GAPVD1: variants seen among roughly 807,000 people sequenced by gnomAD.
The protein encoded by GAPVD1 is GTPase-activating protein and VPS9 domain-containing protein 1.
GAPVD1 carries 35 observed loss-of-function variants against 155.5 expected under a neutral mutation model. The ratio of observed to expected loss-of-function variants is 0.23; its 90% confidence interval spans 0.17 to 0.30. The LOEUF (loss-of-function observed/expected upper bound fraction) is 0.30. GAPVD1 is among the 10% of genes least tolerant of loss of function. GAPVD1 has a pLI of 1.00. For missense variants in GAPVD1, 1,429 were observed against 1,775.7 expected (o/e 0.80, Z 3.51); for synonymous variants, 636 against 619.7 (o/e 1.03, Z -0.39).
intron 19 of GAPVD1, among the ~76,000 whole-genome samples, chr9:125,345,136 G>A (rs1222045588): frequency 6.6e-6 from 1 of 151,610 alleles, no homozygotes; most frequent in African/African-American, 2.4e-5. Context: ...TTGTTTCACA[G>A]CTCTGTGTGA....
chr9:125,355,177 C>T (rs1444076338), intron 24 of GAPVD1, among the ~76,000 whole-genome samples: 2 of 152,068 alleles, frequency 1.3e-5, no homozygotes, highest in Non-Finnish European at 1.5e-5. Context: ...AGTACAGTGG[C>T]GTGATCTCGG....
rs756628511 is a variant in GAPVD1, at chr9:125,354,854, C to T, written c.3757+13C>T. On this transcript the variant is annotated intron_variant, in intron 24 of 27. Coordinates refer to ENST00000297933, the MANE Select transcript of GAPVD1 (RefSeq NM_001282680.3). ...GAATTCATTCAAGGTAACTCAATAC[C>T]TTTAGTTTAAGCATCTCTTCACCTG... 2 of 1,572,380 alleles carry T rather than the reference C, an allele frequency of 1.3e-6. No individual in the cohort carries two copies. Among genetic ancestry groups the T allele is most frequent in the Non-Finnish European group, 1.8e-6 (2 of 1,142,254 alleles).
chr9:125,302,349 T>C lies in GAPVD1; in HGVS notation c.552T>C (p.Leu184=), dbSNP rs1841038828. Reference sequence around the variant, plus strand: ...GTGCCTTCAGCATCTTATTTAAACTTTTTTCTGAAGGACTGTTTTCTGCCA... The same window carrying C: ...GTGCCTTCAGCATCTTATTTAAACTCTTTTCTGAAGGACTGTTTTCTGCCA... ...GTCAFSILFK[L]FSEGLFSAKL... The change falls in exon 5 of 28, where the codon CTT becomes CTC. Residue 184 remains leucine, a synonymous_variant. Coordinates refer to ENST00000297933, the MANE Select transcript of GAPVD1 (RefSeq NM_001282680.3). The C allele has an allele frequency of 6.2e-7, 1 of 1,614,124 alleles. No individual in the cohort carries two copies. The highest frequency in any genetic ancestry group is 8.5e-7 in the Non-Finnish European group (1 of 1,179,994).
At chr9:125,342,127 C>A in intron 18 of GAPVD1, 92 bp from the exon 19 acceptor site, 1 of 669,310 alleles carries the variant, frequency 1.5e-6, no homozygotes, top group Non-Finnish European at 2.7e-6. Context: ...AACTTTTCAG[C>A]CTCCTTTCAC....
chr9:125,288,887 G>A (rs364356), intron 2 of GAPVD1, among the ~76,000 whole-genome samples: 1,740 of 152,302 alleles, frequency 0.011, 28 homozygotes, highest in African/African-American at 0.04. Flanking sequence ...TGCAGGGAAA[G>A]TGTGTGGCAT....
At chr9:125,324,338 C>T (rs1162027443) in intron 11 of GAPVD1, among the ~76,000 whole-genome samples, 1 of 152,148 alleles carries the variant, frequency 6.6e-6, no homozygotes, top group Non-Finnish European at 1.5e-5. Flanking sequence ...CACCTGTAAT[C>T]CCAGCACTTT....
At position 125,332,509 on chromosome 9, in the gene GAPVD1, G is replaced by A; in HGVS notation, c.2309-1G>A. 6.3e-7 allele frequency: 1 copy of A among 1,580,076 alleles called. No individual in the cohort carries two copies. Among genetic ancestry groups the A allele is most frequent in the Non-Finnish European group, 8.6e-7 (1 of 1,163,010 alleles). On this transcript the variant is annotated splice_acceptor_variant, in intron 14 of 27. Coordinates refer to ENST00000297933, the MANE Select transcript of GAPVD1 (RefSeq NM_001282680.3). LOFTEE classifies it high-confidence loss of function. ...TTATTTTTTACTATTGTTTTTTAAA[G>A]GCATAAGTGCAACCTCTGAGGATAT...
intron 25 of GAPVD1, among the ~76,000 whole-genome samples, chr9:125,358,348 C>T (rs1377539881): frequency 6.6e-6 from 1 of 152,166 alleles, no homozygotes; most frequent in Non-Finnish European, 1.5e-5. Context: ...TCAAGTGATC[C>T]ACCCACCTTG....
At chr9:125,263,596 G>T (rs530035968) in intron 1 of GAPVD1, 170 of 1,416,020 alleles carry the variant, frequency 1.2e-4, no homozygotes, top group Non-Finnish European at 1.6e-4. Context: ...TGAGGTGGCT[G>T]ACCACGTCCA....
intron 9 of GAPVD1, among the ~76,000 whole-genome samples, chr9:125,313,307 CTTT>C (rs551168378): frequency 1.5e-5 from 2 of 137,820 alleles, no homozygotes; most frequent in Non-Finnish European, 1.6e-5. Context: ...TTTTCTTTTT[CTTT>C]TTTTTTTTTT....
chr9:125,339,776 A>G lies in GAPVD1; in HGVS notation c.2878-1401A>G, dbSNP rs146692077. On this transcript the variant is annotated intron_variant, in intron 17 of 27. Coordinates refer to ENST00000297933, the MANE Select transcript of GAPVD1 (RefSeq NM_001282680.3). ...TTTGTAACTCATTTCTCCAACAGTG[A>G]GAAATCTACTTTCACTATTCTTCAT... 1.8e-4 allele frequency among the ~76,000 whole-genome samples: 27 copies of G among 152,326 alleles called. No homozygotes were observed. The East Asian group carries it at 5.2e-3, about 29-fold the overall frequency.
chr9:125,281,210 A>G (rs1173156442), intron 2 of GAPVD1, among the ~76,000 whole-genome samples: 1 of 152,200 alleles, frequency 6.6e-6, no homozygotes, highest in Non-Finnish European at 1.5e-5. Flanking sequence ...ACAGTGTTCG[A>G]ATACTGCTCT....
In GAPVD1 at chr9:125,307,768, C is replaced by T. The variant is rs1842083455; in HGVS notation, c.1329C>T (p.Asn443=). 1.2e-6 allele frequency: 2 copies of T among 1,613,530 alleles called. No homozygotes were observed. The highest frequency in any genetic ancestry group is 2.2e-5 in the South Asian group (2 of 91,068). ...DRMALDNLLA[N]LPPAKPGKSS... ...TGGCTCTTGACAATTTATTGGCAAA[C>T]CTACCCCCGGCCAAGCCAGGAAAAA... The change falls in exon 8 of 28, where the codon AAC becomes AAT. Residue 443 remains asparagine, a synonymous_variant. Transcript: ENST00000297933.
In GAPVD1 at chr9:125,337,034, C is replaced by G. The variant is rs1847131556; in HGVS notation, c.2445C>G (p.Thr815=). 2 of 1,611,148 alleles carry G rather than the reference C, an allele frequency of 1.2e-6. No homozygotes were observed. Among genetic ancestry groups the G allele is most frequent in the African/African-American group, 2.7e-5 (2 of 74,858 alleles). Residue 815 remains threonine (T), a synonymous_variant, in exon 16 of 28, where the codon ACC becomes ACG. Transcript: ENST00000297933. ...CTGTTTTAGGTGCCCACCAGCTGAC[C>G]TCTCCTCCTTCTCAGTCAGAGTCTC... The part of the protein sequence containing the change: ...DEITHGAHQL[T]SPPSQSESLL...
intron 9 of GAPVD1, among the ~76,000 whole-genome samples, chr9:125,313,902 A>G (rs1171909161): frequency 3.3e-5 from 5 of 152,208 alleles, no homozygotes; most frequent in Non-Finnish European, 7.3e-5. Context: ...CACCCAGCCA[A>G]TGAATTTAAT....
At chr9:125,263,938 G>A in intron 1 of GAPVD1, 1 of 1,431,494 alleles carries the variant, frequency 7.0e-7, no homozygotes, top group Non-Finnish European at 9.8e-7. Flanking sequence ...CCTTCATGTA[G>A]CCTTGAGACT....
At chr9:125,360,761 T>A in intron 27 of GAPVD1, 36 bp downstream of exon 27, 1 of 1,532,112 alleles carries the variant, frequency 6.5e-7, no homozygotes, top group Non-Finnish European at 9.0e-7. Flanking sequence ...AGGAGTTATG[T>A]GGCATTCTGA....
intron 15 of GAPVD1, among the ~76,000 whole-genome samples, chr9:125,333,485 CTTTTTTTTT>C (rs36083522): frequency 8.0e-6 from 1 of 124,368 alleles, no homozygotes; most frequent in African/African-American, 2.9e-5. Context: ...TACCTTTTGT[CTTTTTTTTT>C]TTTTTTTTTT....
In GAPVD1 at chr9:125,364,059, C is replaced by CT. The variant is rs1851270556; in HGVS notation, c.*1319dup. ...TGTGTTTCCTAAACACATTTAGCTG[C>CT]TTTTTTAACAAACTCAGCCCCATAC... is the stretch of plus-strand genomic sequence containing the variant. On this transcript the variant is annotated 3_prime_UTR_variant, in exon 28 of 28. Coordinates refer to ENST00000297933, the MANE Select transcript of GAPVD1 (RefSeq NM_001282680.3). 2.0e-5 allele frequency: 3 copies of CT among 152,606 alleles called. No homozygotes were observed. Among genetic ancestry groups the CT allele is most frequent in the South Asian group, 4.1e-4 (2 of 4,826 alleles). 9.5% of individuals were successfully genotyped at this position (152,606 alleles called of 1,614,324 possible).
Sources: allele counts gnomAD v4.1 joint callset (sites outside exome capture counted in the v4.1 genomes callset), GRCh38; gene constraint gnomAD v4.1.1; transcripts MANE v1.5; gene names NCBI Gene and HGNC (gene_info 2026-07-23, HGNC 2026-07-21).